The following KLHDC1 variants were observed in gnomAD, a reference collection of about 807,000 sequenced individuals.
KLHDC1 encodes kelch domain containing 1, also known as kelch domain-containing protein 1.
A neutral mutation model predicts 68.3 loss-of-function variants in KLHDC1; 53 were observed. That is an observed-to-expected ratio of 0.78 (90% confidence interval 0.62 to 0.98). KLHDC1 has a LOEUF of 0.98. KLHDC1 is among the 50% of genes least tolerant of loss of function. The pLI is 0.00. For synonymous variants in KLHDC1, 148 were observed against 159.0 expected (o/e 0.93, Z 0.52); for missense variants, 470 against 492.3 (o/e 0.95, Z 0.43).
At chr14:49,711,154 G>A (rs766323662) in intron 4 of KLHDC1, among the ~76,000 whole-genome samples, 17 of 151,872 alleles carry the variant, frequency 1.1e-4, no homozygotes, top group South Asian at 4.2e-4. Flanking sequence ...CACCATGCCC[G>A]GCTAATTTTT....
At chr14:49,709,268 T>C (rs1367156788) in intron 2 of KLHDC1, 39 bp downstream of exon 2, 1 of 859,922 alleles carries the variant, frequency 1.2e-6, no homozygotes, top group Admixed American at 2.4e-5. Flanking sequence ...GATCTTAATA[T>C]CTATTATAAA....
chr14:49,717,014 G>A (rs998768396), intron 4 of KLHDC1, among the ~76,000 whole-genome samples: 3 of 152,094 alleles, frequency 2.0e-5, no homozygotes, highest in African/African-American at 7.2e-5. Flanking sequence ...TTAACATAAC[G>A]TTTTCAAGGT....
intron 12 of KLHDC1, among the ~76,000 whole-genome samples, chr14:49,748,790 A>T (rs1889256569): frequency 6.6e-6 from 1 of 151,598 alleles, no homozygotes; most frequent in African/African-American, 2.4e-5. Flanking sequence ...ATATACTGAG[A>T]GAAATTTTTT....
chr14:49,723,013 G>A (rs1263424321), intron 4 of KLHDC1, among the ~76,000 whole-genome samples: 1 of 144,526 alleles, frequency 6.9e-6, no homozygotes, highest in African/African-American at 2.5e-5. Flanking sequence ...CTCGAACCCG[G>A]GAGGCGGAGG....
Position 49,693,245 on chromosome 14 carries a change from C to T in KLHDC1, c.51C>T (p.Cys17=), listed in dbSNP as rs890859071. The T allele has an allele frequency of 6.4e-7, 1 of 1,572,300 alleles. No homozygotes were observed. The highest frequency in any genetic ancestry group is 8.6e-7 in the Non-Finnish European group (1 of 1,161,286). The part of the protein sequence containing the change: ...FCVAEERSGH[C]AVVDGNFLYV... Reference sequence around the variant, plus strand: ...TGGCGGAGGAACGCAGCGGCCACTGCGCCGTGGTGGACGGAAACTTCCTCT... The same window carrying T: ...TGGCGGAGGAACGCAGCGGCCACTGTGCCGTGGTGGACGGAAACTTCCTCT... Residue 17 remains cysteine (C), a synonymous_variant, in exon 1 of 13, where the codon TGC becomes TGT. Coordinates refer to ENST00000359332, the MANE Select transcript of KLHDC1 (RefSeq NM_172193.3).
intron 1 of KLHDC1, among the ~76,000 whole-genome samples, chr14:49,701,641 A>T (rs1465679232): frequency 6.6e-6 from 1 of 152,174 alleles, no homozygotes; most frequent in East Asian, 1.9e-4. Flanking sequence ...CCTGGGCAAC[A>T]AGAGCGAAAC....
intron 4 of KLHDC1, among the ~76,000 whole-genome samples, chr14:49,719,579 C>G (rs552366843): frequency 8.6e-5 from 13 of 151,822 alleles, no homozygotes; most frequent in African/African-American, 3.1e-4. Flanking sequence ...CAGACATGCA[C>G]TACCATGCTC....
chr14:49,694,147 G>A (rs1352912453), intron 1 of KLHDC1, among the ~76,000 whole-genome samples: 1 of 152,042 alleles, frequency 6.6e-6, no homozygotes, highest in African/African-American at 2.4e-5. Flanking sequence ...GCAATAATAT[G>A]CTAAGAAATA....
At chr14:49,740,588 C>T (rs111525381) in intron 11 of KLHDC1, among the ~76,000 whole-genome samples, 172 of 152,200 alleles carry the variant, frequency 1.1e-3, no homozygotes, top group African/African-American at 4.0e-3. Flanking sequence ...ATCCGCCCGC[C>T]TCAGCCTCCC....
intron 1 of KLHDC1, 82 bp downstream of exon 1, chr14:49,693,372 C>G (rs1887626337): frequency 2.9e-6 from 3 of 1,046,100 alleles, no homozygotes; most frequent in Non-Finnish European, 3.8e-6. Flanking sequence ...CACACCCGCT[C>G]CCGAGGCTGC....
At chr14:49,743,930 C>A in intron 12 of KLHDC1, 125 bp downstream of exon 12, 1 of 598,294 alleles carries the variant, frequency 1.7e-6, no homozygotes. Context: ...ATGTTCACAT[C>A]TTCCTAAGAG....
chr14:49,724,844 A>G (rs981996467), intron 5 of KLHDC1, among the ~76,000 whole-genome samples: 8 of 124,944 alleles, frequency 6.4e-5, no homozygotes, highest in Non-Finnish European at 1.2e-4. Flanking sequence ...TTTTTTTTTC[A>G]TTTAGACTCT....
chr14:49,703,918 A>AT (rs141362110), intron 1 of KLHDC1, among the ~76,000 whole-genome samples: 20,223 of 152,260 alleles, frequency 0.13, 1,677 homozygotes, highest in Non-Finnish European at 0.19. Context: ...TTCTTATAAC[A>AT]TGCTTCCTAT....
intron 5 of KLHDC1, among the ~76,000 whole-genome samples, chr14:49,724,166 T>C (rs1223982481): frequency 6.6e-6 from 1 of 152,232 alleles, no homozygotes; most frequent in African/African-American, 2.4e-5. Context: ...GGCAGAGTAA[T>C]TTCTTTTCTT....
intron 4 of KLHDC1, among the ~76,000 whole-genome samples, chr14:49,715,655 G>A (rs1888350693): frequency 6.8e-6 from 1 of 147,318 alleles, no homozygotes; most frequent in East Asian, 2.0e-4. Flanking sequence ...TGAGGCGGGA[G>A]AATTGCTTGA....
intron 12 of KLHDC1, among the ~76,000 whole-genome samples, chr14:49,748,024 C>T (rs902043387): frequency 3.3e-5 from 5 of 151,960 alleles, no homozygotes; most frequent in Non-Finnish European, 7.4e-5. Flanking sequence ...TTTGGAGAAC[C>T]GAGAAGAGTC....
chr14:49,710,234 T>C (rs768881292), intron 3 of KLHDC1, 29 bp from the exon 4 acceptor site: 15 of 1,153,404 alleles, frequency 1.3e-5, no homozygotes, highest in Non-Finnish European at 1.7e-5. Context: ...AAATGCCCTG[T>C]CTGCTAATAG....
At chr14:49,728,786 A>C (rs1888732474) in intron 6 of KLHDC1, 140 bp from the exon 7 acceptor site, 3 of 665,100 alleles carry the variant, frequency 4.5e-6, no homozygotes, top group Non-Finnish European at 8.1e-6. Flanking sequence ...TTTAGAATAA[A>C]CTTTTGCATT....
intron 1 of KLHDC1, among the ~76,000 whole-genome samples, chr14:49,693,742 C>CTTTTTTTTTTTTTTT (rs1566589138): frequency 8.2e-5 from 5 of 60,970 alleles, no homozygotes; most frequent in South Asian, 1.1e-3. Flanking sequence ...ATTTTCTTTT[C>CTTTTTTTTTTTTTTT]TTTTTCTTTT....
Sources: allele counts gnomAD v4.1 joint callset (sites outside exome capture counted in the v4.1 genomes callset), GRCh38; gene constraint gnomAD v4.1.1; transcripts MANE v1.5; gene names NCBI Gene and HGNC (gene_info 2026-07-23, HGNC 2026-07-21).